PCDH15: variants seen among roughly 807,000 people sequenced by gnomAD.
The protein encoded by PCDH15 is protocadherin-15.
PCDH15 carries 129 observed loss-of-function variants against 178.5 expected under a neutral mutation model. The observed-to-expected ratio is 0.72, with a 90% CI of 0.63 to 0.84. The LOEUF (loss-of-function observed/expected upper bound fraction) is 0.84. Among genes scored for constraint, PCDH15 ranks in the 40% least tolerant of loss-of-function variants. The pLI is 0.00. For missense variants in PCDH15, 2,230 were observed against 2,099.9 expected, an observed-to-expected ratio of 1.06 and a Z score of -1.21; for synonymous variants, 800 against 732.0, an observed-to-expected ratio of 1.09 and a Z score of -1.50.
At chr10:54,720,781 A>T (rs1473293536) in intron 1 of PCDH15, among the ~76,000 whole-genome samples, 3 of 152,208 alleles carry the variant, frequency 2.0e-5, no homozygotes, top group Admixed American at 6.6e-5. Context: ...ATAGACAGTT[A>T]TACAATAATA....
chr10:53,862,969 G>C (rs2079196876), intron 27 of PCDH15, among the ~76,000 whole-genome samples: 1 of 152,150 alleles, frequency 6.6e-6, no homozygotes, highest in African/African-American at 2.4e-5. Flanking sequence ...GAAATTTTTT[G>C]CCTAAGGAAC....
chr10:54,455,358 G>A (rs544266573), intron 3 of PCDH15, among the ~76,000 whole-genome samples: 9 of 152,266 alleles, frequency 5.9e-5, no homozygotes, highest in African/African-American at 2.2e-4. Flanking sequence ...GAAGAAGACA[G>A]GAAGATTTGG....
chr10:54,155,739 G>A (rs1471497276), intron 13 of PCDH15, among the ~76,000 whole-genome samples: 1 of 148,494 alleles, frequency 6.7e-6, no homozygotes, highest in East Asian at 2.0e-4. Context: ...AGAGGTTGCA[G>A]TGACCTGAGA....
intron 2 of PCDH15, among the ~76,000 whole-genome samples, chr10:55,512,353 T>C (rs1304811473): frequency 1.3e-5 from 2 of 152,118 alleles, no homozygotes; most frequent in African/African-American, 4.8e-5. Context: ...TATTTTGTTA[T>C]TCTAGGGTGT....
chr10:55,347,500 C>A (rs1844795439), intron 2 of PCDH15, among the ~76,000 whole-genome samples: 1 of 152,082 alleles, frequency 6.6e-6, no homozygotes, highest in Admixed American at 6.6e-5. Flanking sequence ...TAAATACATA[C>A]TATTTTTCAT....
chr10:54,037,790 G>T (rs2093451072), intron 18 of PCDH15, among the ~76,000 whole-genome samples: 1 of 151,960 alleles, frequency 6.6e-6, no homozygotes, highest in Non-Finnish European at 1.5e-5. Context: ...AGATAATAAA[G>T]AAAGAAGTTA....
chr10:54,042,193 C>A (rs1311517309), intron 18 of PCDH15, among the ~76,000 whole-genome samples: 1 of 151,978 alleles, frequency 6.6e-6, no homozygotes, highest in African/African-American at 2.4e-5. Context: ...ATGGTAAATT[C>A]TCTCTTTTAA....
At chr10:54,316,261 T>C (rs1311424490) in intron 8 of PCDH15, among the ~76,000 whole-genome samples, 1 of 152,100 alleles carries the variant, frequency 6.6e-6, no homozygotes, top group Non-Finnish European at 1.5e-5. Context: ...CCAATAGATG[T>C]ATTAATATTA....
At chr10:54,546,328 CA>C (rs1219445079) in intron 2 of PCDH15, among the ~76,000 whole-genome samples, 40 of 152,082 alleles carry the variant, frequency 2.6e-4, no homozygotes, top group African/African-American at 9.4e-4. Context: ...CATGGAAAGT[CA>C]AAAAATTATA....
intron 2 of PCDH15, among the ~76,000 whole-genome samples, chr10:55,150,104 G>A (rs1454785141): frequency 2.0e-5 from 3 of 151,440 alleles, no homozygotes; most frequent in Non-Finnish European, 4.4e-5. Flanking sequence ...GATAGAAGAC[G>A]AGAGGAGAGA....
chr10:55,625,042 T>C (rs565883660), intron 2 of PCDH15, among the ~76,000 whole-genome samples: 34 of 152,102 alleles, frequency 2.2e-4, no homozygotes, highest in Non-Finnish European at 4.4e-4. Context: ...TGAGAATAAA[T>C]TTAAAAAGTT....
chr10:55,133,415 C>G (rs1007453636), intron 2 of PCDH15, among the ~76,000 whole-genome samples: 5 of 152,134 alleles, frequency 3.3e-5, no homozygotes, highest in African/African-American at 1.2e-4. Flanking sequence ...TCCTTCCCAG[C>G]CTTCTTTTCT....
chr10:53,810,898 T>C (rs905094977), intron 36 of PCDH15, among the ~76,000 whole-genome samples: 12 of 152,208 alleles, frequency 7.9e-5, no homozygotes, highest in African/African-American at 2.9e-4. Context: ...AGTTGAGTTA[T>C]TTCAGATACT....
intron 2 of PCDH15, among the ~76,000 whole-genome samples, chr10:55,104,165 T>G (rs1235813846): frequency 6.6e-6 from 1 of 152,074 alleles, no homozygotes; most frequent in Non-Finnish European, 1.5e-5. Flanking sequence ...ATGTTCACTT[T>G]TCTTCTCTAG....
chr10:55,168,051 T>G (rs1160988412), intron 1 of PCDH15, among the ~76,000 whole-genome samples: 2 of 152,176 alleles, frequency 1.3e-5, no homozygotes, highest in Non-Finnish European at 2.9e-5. Context: ...ATATCTATCT[T>G]AAAGGAGAAA....
At chr10:53,995,560 A>C in intron 21 of PCDH15, 89 bp downstream of exon 21, 1 of 1,610,248 alleles carries the variant, frequency 6.2e-7, no homozygotes, top group Non-Finnish European at 8.5e-7. Context: ...TACAGAGACT[A>C]CTTTTGCTGT....
At chr10:55,123,085 A>G (rs1199379481) in intron 2 of PCDH15, among the ~76,000 whole-genome samples, 3 of 152,084 alleles carry the variant, frequency 2.0e-5, no homozygotes, top group Non-Finnish European at 4.4e-5. Context: ...CTATCTCTAT[A>G]AACAAATAAG....
At chr10:55,419,259 G>C (rs1838559832) in intron 2 of PCDH15, among the ~76,000 whole-genome samples, 2 of 151,662 alleles carry the variant, frequency 1.3e-5, no homozygotes, top group Non-Finnish European at 3.0e-5. Flanking sequence ...TTGCTCCTAG[G>C]ACAACAAATA....
intron 25 of PCDH15, chr10:53,906,746 T>C (rs1038486795): frequency 6.6e-6 from 1 of 151,764 alleles, no homozygotes; most frequent in Non-Finnish European, 1.5e-5. Flanking sequence ...TTCTTGCAGA[T>C]GAAATAACAG....
Sources: gnomAD v4.1 joint callset for allele counts (sites outside exome capture counted in the v4.1 genomes callset) on GRCh38, gnomAD v4.1.1 for gene constraint, MANE v1.5 for transcripts, NCBI Gene and HGNC (gene_info 2026-07-23, HGNC 2026-07-21) for gene names.